TAFA5: variants seen among roughly 807,000 people sequenced by gnomAD.
The protein encoded by TAFA5 is chemokine-like protein TAFA-5.
In TAFA5, 6 loss-of-function variants were observed where a neutral mutation model predicts 15.3. The ratio of observed to expected loss-of-function variants is 0.39; its 90% CI spans 0.21 to 0.77. The LOEUF (loss-of-function observed/expected upper bound fraction) is 0.77, where lower values mean the gene tolerates loss of function less well. TAFA5 is among the 30% of genes least tolerant of loss of function. TAFA5 has a pLI of 0.41. For missense variants in TAFA5, 161 were observed against 193.1 expected, an observed-to-expected ratio of 0.83 and a Z score of 0.98; for synonymous variants, 103 against 80.7, an observed-to-expected ratio of 1.28 and a Z score of -1.48.
At chr22:48,518,514 C>T (rs1921493626) in intron 1 of TAFA5, among the ~76,000 whole-genome samples, 1 of 152,220 alleles carries the variant, frequency 6.6e-6, no homozygotes, top group Admixed American at 6.5e-5. Flanking sequence ...AACGAGGGCT[C>T]TTGTCTCTTT....
In TAFA5 at chr22:48,646,680, G is replaced by A. The variant is rs747062623; in HGVS notation, c.196G>A (p.Ala66Thr). The A allele has an allele frequency of 1.9e-6, 3 of 1,610,804 alleles. No homozygotes were observed. The highest frequency in any genetic ancestry group is 2.5e-6 in the Non-Finnish European group (3 of 1,179,594). Residue 66 changes from alanine to threonine, a missense_variant, in exon 2 of 4, where the codon GCC (alanine) becomes ACC (threonine). Physicochemically the swap from Ala to Thr is moderately conservative, Grantham distance 58. Transcript: ENST00000402357. ...TCGGAGGACGATCGCCCGGCAGACCGCCCGCTGTGCGTGTAGAAAGGGGCA... is the reference window on the plus strand; with the variant it reads ...TCGGAGGACGATCGCCCGGCAGACCACCCGCTGTGCGTGTAGAAAGGGGCA... ...QPRRTIARQT[A>T]RCACRKGQIA...
chr22:48,596,503 G>T (rs912849020), intron 1 of TAFA5, among the ~76,000 whole-genome samples: 1 of 152,250 alleles, frequency 6.6e-6, no homozygotes, highest in Non-Finnish European at 1.5e-5. Context: ...TTTTAGGGCA[G>T]TTGTAGGGTT....
chr22:48,655,350 G>T (rs1927197964), intron 2 of TAFA5, among the ~76,000 whole-genome samples: 2 of 152,204 alleles, frequency 1.3e-5, no homozygotes. Context: ...GGTCCACTTT[G>T]TGATGTTGAG....
chr22:48,616,794 TGCGTGGCTC>T (rs1925621785), intron 1 of TAFA5, among the ~76,000 whole-genome samples: 1 of 152,188 alleles, frequency 6.6e-6, no homozygotes, highest in Non-Finnish European at 1.5e-5. Context: ...CTCCGAAGGC[TGCGTGGCTC>T]TGGGCTCGGC....
At chr22:48,556,701 G>A (rs1274190493) in intron 1 of TAFA5, among the ~76,000 whole-genome samples, 1 of 152,186 alleles carries the variant, frequency 6.6e-6, no homozygotes. Flanking sequence ...CCTGCAGTCC[G>A]ACCCGAGAGG....
At chr22:48,718,463 G>A (rs6010602) in intron 3 of TAFA5, among the ~76,000 whole-genome samples, 37 of 152,234 alleles carry the variant, frequency 2.4e-4, no homozygotes, top group African/African-American at 8.2e-4. Context: ...ACGCAAGCAG[G>A]GAGGGAGGAC....
intron 1 of TAFA5, among the ~76,000 whole-genome samples, chr22:48,645,450 C>T (rs1926828435): frequency 6.6e-6 from 1 of 152,156 alleles, no homozygotes; most frequent in African/African-American, 2.4e-5. Flanking sequence ...CTTGCAGAGA[C>T]AGCCTTCTCC....
At chr22:48,522,659 C>T (rs997545538) in intron 1 of TAFA5, among the ~76,000 whole-genome samples, 2 of 152,234 alleles carry the variant, frequency 1.3e-5, no homozygotes, top group Non-Finnish European at 2.9e-5. Flanking sequence ...AAGGCCATTC[C>T]CTTCACAGCC....
At position 48,742,809 on chromosome 22, in the gene TAFA5, G is replaced by A. The variant is rs1316160107; in HGVS notation, c.391-7030G>A. On this transcript the variant is annotated intron_variant, in intron 3 of 3. Transcript: ENST00000402357. This position sits in a 1 kb window ranked among gnomAD's most constrained non-coding sequence, Gnocchi z 6.2. Reference sequence around the variant, plus strand: ...GGAGAGATGGCCTGGGGTGCTCAGCGGGGCTGAGTCCCCAGCTGGGAGCTC... The same window carrying A: ...GGAGAGATGGCCTGGGGTGCTCAGCAGGGCTGAGTCCCCAGCTGGGAGCTC... Among the ~76,000 whole-genome samples the A allele has an allele frequency of 5.3e-5, 8 of 152,158 alleles. No individual in the cohort carries two copies. The highest frequency in any genetic ancestry group is 1.7e-4 in the African/African-American group (7 of 41,446).
At chr22:48,600,799 G>C (rs1006347615) in intron 1 of TAFA5, among the ~76,000 whole-genome samples, 5 of 152,178 alleles carry the variant, frequency 3.3e-5, no homozygotes, top group Admixed American at 2.6e-4. Flanking sequence ...TTGTCCATCA[G>C]ACTCAAGCCA....
Position 48,742,641 on chromosome 22 carries a change from C to T in TAFA5, c.391-7198C>T, listed in dbSNP as rs113268806. Among the ~76,000 whole-genome samples the T allele has an allele frequency of 3.8e-4, 58 of 152,080 alleles. 1 individual carries two copies. The East Asian group carries it at 8.5e-3, about 22-fold the overall frequency. On this transcript the variant is annotated intron_variant, in intron 3 of 3. Coordinates refer to ENST00000402357, the MANE Select transcript of TAFA5 (RefSeq NM_001082967.3). This position sits in a 1 kb window ranked among gnomAD's most constrained non-coding sequence, Gnocchi z 6.2. ...TGGTGGACCAGGCAACGTGGTAGAC[C>T]GGGCCGCATGGTGGACCAGGCAACG...
At chr22:48,730,159 C>T (rs1471591029) in intron 3 of TAFA5, among the ~76,000 whole-genome samples, 2 of 152,092 alleles carry the variant, frequency 1.3e-5, no homozygotes, top group Non-Finnish European at 2.9e-5. Context: ...CCGAGGTGGG[C>T]GAATCATGAG....
At chr22:48,493,115 C>A (rs57151885) in intron 1 of TAFA5, among the ~76,000 whole-genome samples, 1 of 152,180 alleles carries the variant, frequency 6.6e-6, no homozygotes, top group Non-Finnish European at 1.5e-5. Flanking sequence ...CCTATGACAC[C>A]TAAGCACTGA....
At chr22:48,691,013 C>T (rs1759537259) in intron 2 of TAFA5, among the ~76,000 whole-genome samples, 1 of 152,164 alleles carries the variant, frequency 6.6e-6, no homozygotes, top group South Asian at 2.1e-4. Context: ...AGATGCTTGA[C>T]CCTCCTGAGC....
At chr22:48,642,348 A>C (rs1439151696) in intron 1 of TAFA5, among the ~76,000 whole-genome samples, 2 of 152,162 alleles carry the variant, frequency 1.3e-5, no homozygotes, top group African/African-American at 4.8e-5. Context: ...ACCTCCAGAC[A>C]GCAGGGACAC....
At chr22:48,665,021 A>G (rs1927564211) in intron 2 of TAFA5, among the ~76,000 whole-genome samples, 1 of 152,092 alleles carries the variant, frequency 6.6e-6, no homozygotes, top group Non-Finnish European at 1.5e-5. Flanking sequence ...AAGCGATTGT[A>G]TCATGTCACG....
intron 1 of TAFA5, among the ~76,000 whole-genome samples, chr22:48,608,351 C>T (rs1311334520): frequency 6.6e-6 from 1 of 152,178 alleles, no homozygotes; most frequent in Non-Finnish European, 1.5e-5. Context: ...TTTCTCTGAA[C>T]ATTTATGCTG....
At chr22:48,728,973 A>G (rs1307874584) in intron 3 of TAFA5, among the ~76,000 whole-genome samples, 1 of 152,186 alleles carries the variant, frequency 6.6e-6, no homozygotes, top group Non-Finnish European at 1.5e-5. Flanking sequence ...TGTAGAGCAA[A>G]GGAAAAATTA....
intron 2 of TAFA5, among the ~76,000 whole-genome samples, chr22:48,699,005 G>A (rs1928818349): frequency 6.8e-6 from 1 of 147,946 alleles, no homozygotes; most frequent in Admixed American, 6.8e-5. Flanking sequence ...GCAGTGGCAT[G>A]ATCTCGGCTC....
Sources: allele counts gnomAD v4.1 joint callset (sites outside exome capture counted in the v4.1 genomes callset), GRCh38; gene constraint gnomAD v4.1.1; non-coding constraint Gnocchi (gnomAD v3.1); transcripts MANE v1.5; gene names NCBI Gene and HGNC (gene_info 2026-07-23, HGNC 2026-07-21).